ZNF653: variants seen among roughly 807,000 people sequenced by gnomAD.
The protein encoded by ZNF653 is zinc finger protein 653, also known as 67 kDa zinc finger protein.
In ZNF653, 37 loss-of-function variants were observed where a neutral mutation model predicts 59.9. The ratio of observed to expected loss-of-function variants is 0.62; its 90% CI spans 0.48 to 0.81. The LOEUF is 0.81. Among genes scored for constraint, ZNF653 ranks in the 40% least tolerant of loss-of-function variants. ZNF653 has a pLI of 0.00. For synonymous variants in ZNF653, 435 were observed against 371.8 expected (o/e 1.17, Z -1.96); for missense variants, 808 against 881.1 (o/e 0.92, Z 1.05).
chr19:11,494,376 ACATAAAACATAACAT>A lies in ZNF653; in HGVS notation c.559+1559_559+1573del, dbSNP rs1193423652. On this transcript the variant is annotated intron_variant, in intron 3 of 8. Coordinates refer to ENST00000293771, the MANE Select transcript of ZNF653 (RefSeq NM_138783.4). ...ACATAACATAACATAACATAACATA[ACATAAAACATAACAT>A]AACATAACATAACATAAGGCCGGGT... 4.4e-3 allele frequency among the ~76,000 whole-genome samples: 663 copies of A among 149,380 alleles called. 3 individuals carry two copies. Among genetic ancestry groups the A allele is most frequent in the South Asian group, 0.018 (87 of 4,760 alleles).
intron 3 of ZNF653, among the ~76,000 whole-genome samples, chr19:11,490,126 GT>G (rs2144938670): frequency 6.6e-6 from 1 of 152,296 alleles, no homozygotes; most frequent in Non-Finnish European, 1.5e-5. Context: ...TAAATGGGGG[GT>G]TTCCATGACC....
chr19:11,484,240 T>C, intron 7 of ZNF653, 99 bp from the exon 8 acceptor site: 1 of 980,728 alleles, frequency 1.0e-6, no homozygotes, highest in Non-Finnish European at 1.6e-6. Flanking sequence ...GCTGTCTCCT[T>C]GGATCTCCCA....
chr19:11,489,860 C>T (rs570219970), intron 3 of ZNF653, among the ~76,000 whole-genome samples: 1 of 152,322 alleles, frequency 6.6e-6, no homozygotes, highest in South Asian at 2.1e-4. Flanking sequence ...TTGGTTCTTG[C>T]AGGCCTGGAA....
intron 1 of ZNF653, 27 bp from the exon 2 acceptor site, chr19:11,498,366 G>C (rs749459957): frequency 1.2e-6 from 2 of 1,613,992 alleles, no homozygotes; most frequent in South Asian, 2.2e-5. Flanking sequence ...CAGAGAGGGT[G>C]AACGGGGGAC....
intron 6 of ZNF653, among the ~76,000 whole-genome samples, chr19:11,486,031 G>A (rs1204608813): frequency 6.6e-6 from 1 of 151,992 alleles, no homozygotes; most frequent in Non-Finnish European, 1.5e-5. Flanking sequence ...CTCACTGCAA[G>A]CTCCACCCCC....
intron 3 of ZNF653, among the ~76,000 whole-genome samples, chr19:11,488,909 T>TC (rs1971501053): frequency 6.6e-6 from 1 of 151,680 alleles, no homozygotes; most frequent in East Asian, 1.9e-4. Flanking sequence ...GTTTTTCTTT[T>TC]TTTTTTTTGA....
At chr19:11,499,436 G>C (rs1357920176) in intron 1 of ZNF653, among the ~76,000 whole-genome samples, 1 of 152,040 alleles carries the variant, frequency 6.6e-6, no homozygotes, top group Non-Finnish European at 1.5e-5. Flanking sequence ...AGCTACTTGA[G>C]AGGCTGAGAG....
At chr19:11,505,465 C>A in intron 1 of ZNF653, 23 bp downstream of exon 1, 1 of 1,436,976 alleles carries the variant, frequency 7.0e-7, no homozygotes, top group Non-Finnish European at 9.0e-7. Flanking sequence ...CTCCCTCCCT[C>A]CCTCGGGGCC....
rs770149301 is a variant in ZNF653, at chr19:11,487,438, C to T, written c.1025G>A (p.Gly342Asp). ...CAGTCCACTGCCGGGGACACCGCTG[C>T]CTGCTGCCATGTTGAGGTGAATGCC... ...AEGIHLNMAA[G>D]SGVPGSGLGE... The change falls in exon 4 of 9, where the codon GGC (glycine) becomes GAC (aspartate). Residue 342 changes from glycine to aspartate, a missense_variant. Transcript: ENST00000293771. The surrounding 1 kb of genome is among the most constrained non-coding windows in gnomAD (Gnocchi z 5.1). The T allele has an allele frequency of 6.2e-7, 1 of 1,612,444 alleles. No homozygotes were observed. The highest frequency in any genetic ancestry group is 2.2e-5 in the East Asian group (1 of 44,896).
chr19:11,490,642 C>T (rs1162948502), intron 3 of ZNF653, among the ~76,000 whole-genome samples: 1 of 152,102 alleles, frequency 6.6e-6, no homozygotes, highest in Non-Finnish European at 1.5e-5. Context: ...ATCTGCCCGC[C>T]TTGGCCTCCC....
rs1971434761 is a variant in ZNF653 at position 11,483,866 on chromosome 19, G to A, written c.1671-7C>T. 1 of 1,578,608 alleles carries A rather than the reference G, an allele frequency of 6.3e-7. No individual in the cohort carries two copies. The highest frequency in any genetic ancestry group is 1.1e-5 in the South Asian group (1 of 87,938). On this transcript the variant is annotated splice_region_variant and splice_polypyrimidine_tract_variant and intron_variant, in intron 8 of 8. Coordinates refer to ENST00000293771, the MANE Select transcript of ZNF653 (RefSeq NM_138783.4). ...GTAGCCACAGATCTCGCACCTGCCG[G>A]GAGCCCGTGGCGGGACGGGGCGGGG...
At chr19:11,485,491 G>A (rs1971456114) in intron 7 of ZNF653, among the ~76,000 whole-genome samples, 165 bp downstream of exon 7, 1 of 152,128 alleles carries the variant, frequency 6.6e-6, no homozygotes, top group African/African-American at 2.4e-5. Flanking sequence ...TGTCGCTGTG[G>A]CTCACATAGC....
intron 3 of ZNF653, among the ~76,000 whole-genome samples, chr19:11,494,838 G>C (rs1387752731): frequency 1.3e-5 from 2 of 152,260 alleles, no homozygotes; most frequent in Admixed American, 6.5e-5. Flanking sequence ...TGACTGCCAA[G>C]TGGGGCTGAT....
In ZNF653 at chr19:11,495,166, C is replaced by G. The variant is rs1040144578; in HGVS notation, c.559+784G>C. Among the ~76,000 whole-genome samples, 1 of 152,172 alleles carries G rather than the reference C, an allele frequency of 6.6e-6. No homozygotes were observed. Among genetic ancestry groups the G allele is most frequent in the East Asian group, 1.9e-4 (1 of 5,184 alleles). On this transcript the variant is annotated intron_variant, in intron 3 of 8. Coordinates refer to ENST00000293771, the MANE Select transcript of ZNF653 (RefSeq NM_138783.4). The surrounding 1 kb of genome is among the most constrained non-coding windows in gnomAD (Gnocchi z 4.9). ...ACAGGACGCCTGGCAGTGTGCCCTA[C>G]GCTCCTTCTCCAGCCATTGCCGAAC... is the stretch of plus-strand genomic sequence containing the variant.
intron 2 of ZNF653, among the ~76,000 whole-genome samples, chr19:11,497,852 A>G (rs574433811): frequency 6.6e-6 from 1 of 152,188 alleles, no homozygotes; most frequent in African/African-American, 2.4e-5. Context: ...CTCTGGAGAA[A>G]CCTAAGAAGG....
At chr19:11,484,599 C>A (rs549977714) in intron 7 of ZNF653, among the ~76,000 whole-genome samples, 4 of 151,764 alleles carry the variant, frequency 2.6e-5, no homozygotes, top group Non-Finnish European at 5.9e-5. Flanking sequence ...TTAGTAGAGA[C>A]GGGGTTTCTC....
rs1028126939 is a variant in ZNF653 at position 11,505,815 on chromosome 19, C to T, written c.-29G>A. 7.2e-5 allele frequency: 98 copies of T among 1,359,068 alleles called. 1 individual carries two copies. The highest frequency in any genetic ancestry group is 8.3e-5 in the Non-Finnish European group (88 of 1,056,056). 84.2% of individuals were successfully genotyped at this position (1,359,068 alleles called of 1,614,324 possible). ...CCCCACCCTGGTTACCAGCCTCCCCCGTTGTTAGGAGCCAGACCGGAAGTG... is the reference window on the plus strand; with the variant it reads ...CCCCACCCTGGTTACCAGCCTCCCCTGTTGTTAGGAGCCAGACCGGAAGTG... On this transcript the variant is annotated 5_prime_UTR_variant, in exon 1 of 9. Coordinates refer to ENST00000293771, the MANE Select transcript of ZNF653 (RefSeq NM_138783.4).
At chr19:11,499,954 C>T (rs906022919) in intron 1 of ZNF653, among the ~76,000 whole-genome samples, 1 of 152,058 alleles carries the variant, frequency 6.6e-6, no homozygotes, top group Non-Finnish European at 1.5e-5. Context: ...AAACGATCTT[C>T]GTCATGGTAC....
rs376750002 is a variant in ZNF653, at chr19:11,495,226, C to T, written c.559+724G>A. On this transcript the variant is annotated intron_variant, in intron 3 of 8. Coordinates refer to ENST00000293771, the MANE Select transcript of ZNF653 (RefSeq NM_138783.4). This position sits in a 1 kb window ranked among gnomAD's most constrained non-coding sequence, Gnocchi z 4.9. Reference sequence around the variant, plus strand: ...TGCCGGCAGCCCCCTCACCACTCACCGGGGCCAACTGAGCCTCCCTCACTG... The same window carrying T: ...TGCCGGCAGCCCCCTCACCACTCACTGGGGCCAACTGAGCCTCCCTCACTG... Among the ~76,000 whole-genome samples the T allele has an allele frequency of 4.6e-4, 70 of 152,234 alleles. No individual in the cohort carries two copies. The highest frequency in any genetic ancestry group is 1.2e-3 in the East Asian group (6 of 5,154).
Sources: gnomAD v4.1 joint callset for allele counts (sites outside exome capture counted in the v4.1 genomes callset) on GRCh38, gnomAD v4.1.1 for gene constraint, Gnocchi (gnomAD v3.1) non-coding constraint, MANE v1.5 for transcripts, NCBI Gene and HGNC (gene_info 2026-07-23, HGNC 2026-07-21) for gene names.